OSBPL8: variants seen among roughly 807,000 people sequenced by gnomAD.
OSBPL8 encodes oxysterol binding protein like 8, also known as oxysterol-binding protein-related protein 8.
A neutral mutation model predicts 125.5 loss-of-function variants in OSBPL8; 59 were observed. The ratio of observed to expected loss-of-function variants is 0.47; its 90% CI spans 0.38 to 0.58. The LOEUF (loss-of-function observed/expected upper bound fraction) is 0.58. Among genes scored for constraint, OSBPL8 ranks in the 20% least tolerant of loss-of-function variants. The pLI is 0.00. For synonymous variants in OSBPL8, 330 were observed against 338.9 expected, an observed-to-expected ratio of 0.97 and a Z score of 0.29; for missense variants, 758 against 1,047.8, an observed-to-expected ratio of 0.72 and a Z score of 3.82.
At position 76,356,602 on chromosome 12, in the gene OSBPL8, TAGTC is replaced by T; in HGVS notation, c.2537+20_2537+23del. ...TAACTACTCCTTGGTCTCAAATGAA[TAGTC>T]AGTGTCATTATATTATTACCTTTTA... On this transcript the variant is annotated intron_variant, in intron 23 of 23. Coordinates refer to ENST00000261183, the MANE Select transcript of OSBPL8 (RefSeq NM_020841.5). The T allele has an allele frequency of 7.0e-7, 1 of 1,421,638 alleles. No individual in the cohort carries two copies. Among genetic ancestry groups the T allele is most frequent in the Non-Finnish European group, 9.9e-7 (1 of 1,014,886 alleles). The allele number at this position is 1,421,638 out of a possible 1,614,324, so 88.1% of individuals were successfully genotyped here.
At chr12:76,374,034 C>T (rs1952720218) in intron 17 of OSBPL8, among the ~76,000 whole-genome samples, 1 of 152,084 alleles carries the variant, frequency 6.6e-6, no homozygotes, top group Non-Finnish European at 1.5e-5. Context: ...CAAACATTAT[C>T]ATCACCATAC....
chr12:76,374,193 G>T (rs1449152698), intron 17 of OSBPL8, among the ~76,000 whole-genome samples: 1 of 152,140 alleles, frequency 6.6e-6, no homozygotes, highest in South Asian at 2.1e-4. Flanking sequence ...CTAGTTTACA[G>T]AAATATTTTT....
chr12:76,550,785 A>G (rs1200752249), intron 1 of OSBPL8, among the ~76,000 whole-genome samples: 2 of 152,238 alleles, frequency 1.3e-5, no homozygotes, highest in African/African-American at 4.8e-5. Flanking sequence ...AGTAATTTCT[A>G]AAGCTGATAA....
intron 4 of OSBPL8, among the ~76,000 whole-genome samples, chr12:76,421,901 AT>A (rs1869531235): frequency 2.6e-5 from 4 of 152,004 alleles, no homozygotes; most frequent in Admixed American, 6.6e-5. Context: ...AACCCTAAAA[AT>A]ATCATAAATT....
intron 10 of OSBPL8, 71 bp from the exon 11 acceptor site, chr12:76,390,728 T>C (rs1953524218): frequency 4.5e-6 from 4 of 896,666 alleles, no homozygotes; most frequent in Admixed American, 4.0e-5. Flanking sequence ...ATAATAATTA[T>C]ATACAACATT....
rs1346221095 is a variant in OSBPL8, at chr12:76,356,736, G to T, written c.2435-8C>A. ...TTGGTTTTACTGATTGAGCTAAAAAGACATTTAGAATGAAGTTGAAACTAT... is the reference window on the plus strand; with the variant it reads ...TTGGTTTTACTGATTGAGCTAAAAATACATTTAGAATGAAGTTGAAACTAT... On this transcript the variant is annotated splice_polypyrimidine_tract_variant and splice_region_variant and intron_variant, in intron 22 of 23. Transcript: ENST00000261183. The T allele has an allele frequency of 3.8e-5, 58 of 1,544,494 alleles. No individual in the cohort carries two copies. Among genetic ancestry groups the T allele is most frequent in the Middle Eastern group, 1.7e-4 (1 of 5,912 alleles).
At chr12:76,377,033 T>G (rs1775614785) in intron 16 of OSBPL8, among the ~76,000 whole-genome samples, 1 of 152,184 alleles carries the variant, frequency 6.6e-6, no homozygotes, top group African/African-American at 2.4e-5. Flanking sequence ...GTGTTTGGTT[T>G]TCTGTTTCTG....
chr12:76,400,090 T>G (rs1953985268), intron 6 of OSBPL8, 116 bp from the exon 7 acceptor site: 8 of 721,580 alleles, frequency 1.1e-5, no homozygotes, highest in Non-Finnish European at 1.8e-5. Context: ...CATGGGGTTT[T>G]GTTGTACATA....
chr12:76,356,110 C>A, intron 23 of OSBPL8, 89 bp from the exon 24 acceptor site: 2 of 774,250 alleles, frequency 2.6e-6, no homozygotes, highest in Non-Finnish European at 3.4e-6. Flanking sequence ...AGTCACAGAG[C>A]ATTTAATGTT....
chr12:76,356,128 T>C (rs1951974118), intron 23 of OSBPL8, 107 bp from the exon 24 acceptor site: 1 of 823,090 alleles, frequency 1.2e-6, no homozygotes, highest in Non-Finnish European at 1.8e-6. Context: ...GTTAATAATT[T>C]TTAGTTGCTG....
intron 4 of OSBPL8, chr12:76,422,392 A>T: frequency 2.7e-6 from 1 of 364,692 alleles, no homozygotes; most frequent in Non-Finnish European, 5.4e-6. Context: ...ACTGAAACCT[A>T]AGCTTTCACT....
At chr12:76,439,362 G>C in intron 4 of OSBPL8, among the ~76,000 whole-genome samples, 1 of 151,586 alleles carries the variant, frequency 6.6e-6, no homozygotes, top group East Asian at 1.9e-4. Context: ...CTGGGCGACA[G>C]AGTGAGACTC....
rs1878296913 is a variant in OSBPL8, at chr12:76,487,623, A to T, written c.-67-5T>A. On this transcript the variant is annotated splice_region_variant and splice_polypyrimidine_tract_variant and intron_variant, in intron 1 of 23. Coordinates refer to ENST00000261183, the MANE Select transcript of OSBPL8 (RefSeq NM_020841.5). The stretch of plus-strand genomic sequence containing the variant: ...CATTCTGTAAATCTGCAAATCCTAA[A>T]ATAAGAAAATGATATTTATTAGGAC... The T allele has an allele frequency of 7.8e-6, 10 of 1,279,948 alleles. No individual in the cohort carries two copies. Among genetic ancestry groups the T allele is most frequent in the Non-Finnish European group, 9.7e-6 (9 of 926,258 alleles). 79.3% of individuals were successfully genotyped at this position (1,279,948 alleles called of 1,614,324 possible). A position where few individuals can be genotyped will look rare whatever the true frequency, so the allele number is the denominator to read the frequency against.
At chr12:76,395,095 G>A (rs552989392) in intron 8 of OSBPL8, among the ~76,000 whole-genome samples, 1 of 152,108 alleles carries the variant, frequency 6.6e-6, no homozygotes, top group East Asian at 1.9e-4. Context: ...GCTAAAGAAA[G>A]CATGTGGAAA....
intron 2 of OSBPL8, among the ~76,000 whole-genome samples, chr12:76,480,310 T>C (rs768092639): frequency 9.2e-5 from 14 of 152,132 alleles, no homozygotes; most frequent in Non-Finnish European, 1.5e-4. Context: ...TTTGGAGATA[T>C]ATACGGACAG....
In OSBPL8 at chr12:76,539,990, G is replaced by A. The variant is rs573436654; in HGVS notation, c.-68+19407C>T. Among the ~76,000 whole-genome samples the A allele has an allele frequency of 3.9e-5, 6 of 152,252 alleles. No homozygotes were observed. The East Asian group carries it at 7.7e-4, about 20-fold the overall frequency. ...GGTCATTGTTATCTTAAAAGCAGTA[G>A]GCATGCCTGCTGAGTATACCAGTAA... On this transcript the variant is annotated intron_variant, in intron 1 of 23. Transcript: ENST00000261183.
intron 1 of OSBPL8, among the ~76,000 whole-genome samples, chr12:76,507,185 GAACTGGT>G (rs1334688319): frequency 3.3e-5 from 5 of 151,644 alleles, no homozygotes; most frequent in African/African-American, 1.2e-4. Context: ...AGAAGCTGGG[GAACTGGT>G]AGCTCATTGT....
At chr12:76,525,470 G>C (rs1341247214) in intron 1 of OSBPL8, among the ~76,000 whole-genome samples, 1 of 152,160 alleles carries the variant, frequency 6.6e-6, no homozygotes, top group Admixed American at 6.5e-5. Context: ...GTGTGACACA[G>C]AATATAAGTA....
intron 4 of OSBPL8, among the ~76,000 whole-genome samples, chr12:76,447,646 T>C (rs112960766): frequency 0.17 from 26,111 of 151,910 alleles, 2,431 homozygotes; most frequent in Middle Eastern, 0.24. Flanking sequence ...CAGGTTCAAG[T>C]GATTCCCCTG....
Sources: allele counts gnomAD v4.1 joint callset (sites outside exome capture counted in the v4.1 genomes callset), GRCh38; gene constraint gnomAD v4.1.1; transcripts MANE v1.5; gene names NCBI Gene and HGNC (gene_info 2026-07-23, HGNC 2026-07-21).